DYNC1H1: variants seen among roughly 807,000 people sequenced by gnomAD.
DYNC1H1 encodes the protein dynein cytoplasmic 1 heavy chain 1.
In DYNC1H1, 51 loss-of-function variants were observed where a neutral mutation model predicts 527.1. The ratio of observed to expected loss-of-function variants is 0.10; its 90% confidence interval spans 0.08 to 0.12. The LOEUF (loss-of-function observed/expected upper bound fraction) is 0.12, where lower values mean the gene tolerates loss of function less well. Among genes scored for constraint, DYNC1H1 ranks in the 10% least tolerant of loss-of-function variants. The probability of loss-of-function intolerance (pLI) is 1.00; values close to 1 mark genes in which losing one functional copy is unlikely to be tolerated. For synonymous variants in DYNC1H1, 2,189 were observed against 2,278.8 expected, an observed-to-expected ratio of 0.96 and a Z score of 1.12; for missense variants, 2,771 against 5,971.8, an observed-to-expected ratio of 0.46 and a Z score of 17.66.
Position 102,029,712 on chromosome 14 carries a change from G to GGTGC in DYNC1H1, c.9642+3_9642+6dup. 1 of 1,614,216 alleles carries GGTGC rather than the reference G, an allele frequency of 6.2e-7. No homozygotes were observed. The highest frequency in any genetic ancestry group is 8.5e-7 in the Non-Finnish European group (1 of 1,180,042). ...GGAAGATCAAAGAGACAGTCGACCA[G>GGTGC]GTGCGTCACAGGCACAAATTCCTCA... On this transcript the variant is annotated frameshift_variant and splice_region_variant. Transcript: ENST00000360184. LOFTEE classifies it high-confidence loss of function. This position sits in a 1 kb window ranked among gnomAD's most constrained non-coding sequence, Gnocchi z 5.3.
At chr14:102,008,131 G>T in intron 28 of DYNC1H1, 47 bp from the exon 29 acceptor site, 1 of 1,610,780 alleles carries the variant, frequency 6.2e-7, no homozygotes. Context: ...GGAGACAATT[G>T]AGGGCACAGC....
intron 29 of DYNC1H1, 105 bp downstream of exon 29, chr14:102,008,442 A>C: frequency 9.1e-5 from 130 of 1,427,576 alleles, no homozygotes; most frequent in Non-Finnish European, 1.1e-4. Flanking sequence ...AATTTAGCTC[A>C]CAGGAGCTCA....
intron 10 of DYNC1H1, among the ~76,000 whole-genome samples, chr14:101,991,013 A>G (rs1034523649): frequency 1.3e-5 from 2 of 151,496 alleles, no homozygotes; most frequent in Non-Finnish European, 3.0e-5. Flanking sequence ...GTCTCAAAAA[A>G]AAAAAAAAAA....
Position 102,029,090 on chromosome 14 carries a change from T to C in DYNC1H1, c.9469-449T>C, listed in dbSNP as rs921661114. The C allele has an allele frequency of 4.2e-6, 1 of 236,642 alleles. No homozygotes were observed. Among genetic ancestry groups the C allele is most frequent in the African/African-American group, 2.3e-5 (1 of 43,810 alleles). 14.7% of individuals were successfully genotyped at this position (236,642 alleles called of 1,614,324 possible). A position where few individuals can be genotyped will look rare whatever the true frequency, so the allele number is the denominator to read the frequency against. ...CCCAGCCCCTGCAGGCCATCTCCATTGCCCTTGGAATGTCGTCCAGCCCTG... is the reference window on the plus strand; with the variant it reads ...CCCAGCCCCTGCAGGCCATCTCCATCGCCCTTGGAATGTCGTCCAGCCCTG... On this transcript the variant is annotated intron_variant, in intron 48 of 77. Coordinates refer to ENST00000360184, the MANE Select transcript of DYNC1H1 (RefSeq NM_001376.5). The surrounding 1 kb of genome is among the most constrained non-coding windows in gnomAD (Gnocchi z 5.3).
intron 1 of DYNC1H1, among the ~76,000 whole-genome samples, chr14:101,968,916 T>G (rs2047697550): frequency 6.6e-6 from 1 of 152,154 alleles, no homozygotes; most frequent in Admixed American, 6.6e-5. Flanking sequence ...GTAATTAATC[T>G]CCAACACAAC....
At position 102,017,175 on chromosome 14, in the gene DYNC1H1, A is replaced by G; in HGVS notation, c.7936A>G (p.Asn2646Asp). 6.2e-7 allele frequency: 1 copy of G among 1,614,162 alleles called. No homozygotes were observed. Among genetic ancestry groups the G allele is most frequent in the Non-Finnish European group, 8.5e-7 (1 of 1,180,022 alleles). Reference sequence around the variant, plus strand: ...CTACTGCGAGTACAGGCGCACACCTAATGGGGTGGTTTTGGCTCCTGTTCA... The same window carrying G: ...CTACTGCGAGTACAGGCGCACACCTGATGGGGTGGTTTTGGCTCCTGTTCA... ...DHYCEYRRTP[N>D]GVVLAPVQLG... Residue 2646 changes from asparagine to aspartate, a missense_variant, in exon 39 of 78, where the codon AAT becomes GAT. By Grantham distance (23) the Asn-to-Asp change is conservative. Around this residue, in one of 32 missense-constraint regions of DYNC1H1, gnomAD observed 163 missense variants for 346.9 expected, o/e 0.47. Transcript: ENST00000360184. This position sits in a 1 kb window ranked among gnomAD's most constrained non-coding sequence, Gnocchi z 4.6.
intron 5 of DYNC1H1, among the ~76,000 whole-genome samples, chr14:101,981,063 C>T (rs1346417089): frequency 2.6e-5 from 4 of 152,118 alleles, no homozygotes; most frequent in Admixed American, 2.0e-4. Context: ...GAGTGGAGAA[C>T]AGTGCCAGTG....
intron 18 of DYNC1H1, 86 bp from the exon 19 acceptor site, chr14:102,000,868 T>C: frequency 1.5e-6 from 2 of 1,300,822 alleles, no homozygotes; most frequent in Non-Finnish European, 2.2e-6. Flanking sequence ...CCACCGCGCC[T>C]GGCCTGAAAC....
chr14:101,996,928 T>TA (rs1386718219), intron 15 of DYNC1H1, 107 bp from the exon 16 acceptor site: 3 of 1,474,978 alleles, frequency 2.0e-6, no homozygotes, highest in Non-Finnish European at 2.8e-6. Flanking sequence ...TGGCCAGTCT[T>TA]ACGTGTTTTA....
Position 101,994,744 on chromosome 14 carries a change from C to G in DYNC1H1, c.3228C>G (p.Leu1076=), listed in dbSNP as rs763504812. Residue 1076 remains leucine, a synonymous_variant, in exon 13 of 78, where the codon CTC becomes CTG. Coordinates refer to ENST00000360184, the MANE Select transcript of DYNC1H1 (RefSeq NM_001376.5). ...ENIYNRLGED[L]NKWQALLVQI... is the part of the protein sequence containing the mutation. Reference sequence around the variant, plus strand: ...TCTATAACAGACTTGGAGAAGATCTCAACAAATGGCAGGCTCTCCTGGTCC... The same window carrying G: ...TCTATAACAGACTTGGAGAAGATCTGAACAAATGGCAGGCTCTCCTGGTCC... The G allele has an allele frequency of 1.2e-6, 2 of 1,614,160 alleles. No homozygotes were observed. Among genetic ancestry groups the G allele is most frequent in the South Asian group, 2.2e-5 (2 of 91,076 alleles).
At position 102,048,554 on chromosome 14, in the gene DYNC1H1, G is replaced by C. The variant is rs1555412618; in HGVS notation, c.13257G>C (p.Met4419Ile). The C allele has an allele frequency of 6.2e-7, 1 of 1,614,210 alleles. No individual in the cohort carries two copies. Among genetic ancestry groups the C allele is most frequent in the Non-Finnish European group, 8.5e-7 (1 of 1,180,038 alleles). ...GGTTCTTTGAGAGAGAAGTGAAGATGGGCGCAAAGCTGCTTCAGGACGTTC... is the reference window on the plus strand; with the variant it reads ...GGTTCTTTGAGAGAGAAGTGAAGATCGGCGCAAAGCTGCTTCAGGACGTTC... ...LFRFFEREVKMGAKLLQDVRQ... is the reference protein window; with the variant it reads ...LFRFFEREVKIGAKLLQDVRQ... Residue 4419 changes from methionine (M) to isoleucine (I), a missense_variant, in exon 74 of 78, where the codon ATG becomes ATC. Met to Ile is a conservative substitution (Grantham distance 10). Around this residue, in one of 32 missense-constraint regions of DYNC1H1, gnomAD observed 170 missense variants for 249.8 expected, o/e 0.68. Coordinates refer to ENST00000360184, the MANE Select transcript of DYNC1H1 (RefSeq NM_001376.5).
At chr14:102,022,501 G>A (rs534740101) in intron 42 of DYNC1H1, among the ~76,000 whole-genome samples, 60 of 141,968 alleles carry the variant, frequency 4.2e-4, no homozygotes, top group African/African-American at 1.5e-3. Flanking sequence ...GAGAGACTCC[G>A]TCTCAAAAAA....
chr14:101,968,639 C>T (rs1323994941), intron 1 of DYNC1H1, among the ~76,000 whole-genome samples: 3 of 151,734 alleles, frequency 2.0e-5, no homozygotes, highest in African/African-American at 7.2e-5. Context: ...CTCTGCTCAC[C>T]GCATCCTCAA....
In DYNC1H1 at chr14:102,054,003, T is replaced by G. The variant is rs1331403382; in HGVS notation, c.*3440T>G. ...ATCCACCCACCTCAACCTCCCAAAG[T>G]GCTGGGATTACAGGCATGAGCCATT... On this transcript the variant is annotated 3_prime_UTR_variant, in exon 78 of 78. Coordinates refer to ENST00000360184, the MANE Select transcript of DYNC1H1 (RefSeq NM_001376.5). 2.0e-5 allele frequency: 3 copies of G among 152,318 alleles called. No individual in the cohort carries two copies. The highest frequency in any genetic ancestry group is 4.4e-5 in the Non-Finnish European group (3 of 68,142). 9.4% of individuals were successfully genotyped at this position (152,318 alleles called of 1,614,324 possible).
chr14:102,000,330 A>G lies in DYNC1H1; in HGVS notation c.4005A>G (p.Glu1335=), dbSNP rs2141285245. The G allele has an allele frequency of 6.2e-7, 1 of 1,614,196 alleles. No individual in the cohort carries two copies. ...ELQDLKGVWS[E]LSKVWEQIDQ... The stretch of plus-strand genomic sequence containing the variant: ...AGGACCTCAAAGGCGTTTGGTCAGA[A>G]CTTTCTAAGGTTTGGGAGCAAATCG... Residue 1335 remains glutamate (E), a synonymous_variant, in exon 18 of 78, where the codon GAA becomes GAG. Transcript: ENST00000360184.
In DYNC1H1 at chr14:102,032,198, T is replaced by C. The variant is rs542527604; in HGVS notation, c.9884-74T>C. 1.4e-5 allele frequency: 22 copies of C among 1,586,748 alleles called. No individual in the cohort carries two copies. The African/African-American group carries it at 2.3e-4, about 16-fold the overall frequency. On this transcript the variant is annotated intron_variant, in intron 51 of 77. Transcript: ENST00000360184. ...ATTGGAGTTGGAGCTCCTGGCTGTT[T>C]TGGTTCATTCTCACCATGCTTTGCT...
Position 102,044,442 on chromosome 14 carries a change from G to A in DYNC1H1, c.12853G>A (p.Ala4285Thr), listed in dbSNP as rs749486351. ...TRSFDSEFKL[A>T]CKVDGHKDIQ... ...GAGTTTCGACAGTGAGTTTAAGCTG[G>A]CATGCAAGGTCGACGGACATAAAGA... Residue 4285 changes from alanine (A) to threonine (T), a missense_variant, in exon 71 of 78, where the codon GCA becomes ACA. Transcript: ENST00000360184. This position sits in a 1 kb window ranked among gnomAD's most constrained non-coding sequence, Gnocchi z 7.1. 6.2e-7 allele frequency: 1 copy of A among 1,614,224 alleles called. No homozygotes were observed. The highest frequency in any genetic ancestry group is 8.5e-7 in the Non-Finnish European group (1 of 1,180,046).
Position 102,027,067 on chromosome 14 carries a change from A to G in DYNC1H1, c.8772-107A>G. ...GTTGCTCAGCAAATGTTTAATATAC[A>G]AGTTCAAGTTAAAACATGTCCAAAA... is the stretch of plus-strand genomic sequence containing the variant. On this transcript the variant is annotated intron_variant, in intron 44 of 77. Transcript: ENST00000360184. This position sits in a 1 kb window ranked among gnomAD's most constrained non-coding sequence, Gnocchi z 7.7. The G allele has an allele frequency of 7.8e-7, 1 of 1,274,616 alleles. No homozygotes were observed. The highest frequency in any genetic ancestry group is 1.1e-6 in the Non-Finnish European group (1 of 873,562). 79.0% of individuals were successfully genotyped at this position (1,274,616 alleles called of 1,614,324 possible). A position where few individuals can be genotyped will look rare whatever the true frequency, so the allele number is the denominator to read the frequency against.
chr14:101,966,683 A>G (rs2047671846), intron 1 of DYNC1H1, among the ~76,000 whole-genome samples: 1 of 152,180 alleles, frequency 6.6e-6, no homozygotes, highest in Non-Finnish European at 1.5e-5. Flanking sequence ...TAGTTTATGT[A>G]TTAGAATCAG....
Sources: allele counts gnomAD v4.1 joint callset (sites outside exome capture counted in the v4.1 genomes callset), GRCh38; gene constraint gnomAD v4.1.1; regional missense constraint gnomAD v4.1.1; non-coding constraint Gnocchi (gnomAD v3.1); transcripts MANE v1.5; gene names NCBI Gene and HGNC (gene_info 2026-07-23, HGNC 2026-07-21).